The following CYFIP1 variants were observed in gnomAD, a reference collection of about 807,000 sequenced individuals.
The protein encoded by CYFIP1 is cytoplasmic FMR1 interacting protein 1.
A neutral mutation model predicts 163.5 loss-of-function variants in CYFIP1; 58 were observed. The observed-to-expected ratio is 0.35, with a 90% CI of 0.29 to 0.44. CYFIP1 has a LOEUF of 0.44. CYFIP1 is among the 20% of genes least tolerant of loss of function. CYFIP1 has a pLI of 1.00. For missense variants in CYFIP1, 1,338 were observed against 1,653.8 expected, an observed-to-expected ratio of 0.81 and a Z score of 3.31; for synonymous variants, 663 against 660.7, an observed-to-expected ratio of 1.00 and a Z score of -0.05.
At position 22,903,822 on chromosome 15, in the gene CYFIP1, C is replaced by T. The variant is rs2060481376; in HGVS notation, c.2472G>A (p.Met824Ile). 1.9e-6 allele frequency: 3 copies of T among 1,614,212 alleles called. No individual in the cohort carries two copies. Among genetic ancestry groups the T allele is most frequent in the Non-Finnish European group, 2.5e-6 (3 of 1,180,046 alleles). ...ACACGTTGTGGTTGGCCTCCCGGAA[C>T]ATGGCGTCGAAGCCGTCCAGCGTCA... ...RYLTLDGFDAMFREANHNVSA... is the reference protein window; with the variant it reads ...RYLTLDGFDAIFREANHNVSA... Residue 824 changes from methionine to isoleucine, a missense_variant, in exon 22 of 31, where the codon ATG becomes ATA. Met to Ile is a conservative substitution (Grantham distance 10). Transcript: ENST00000617928.
chr15:22,934,485 CTTT>C (rs35881374), intron 9 of CYFIP1, among the ~76,000 whole-genome samples: 580 of 49,818 alleles, frequency 0.012, 88 homozygotes, highest in African/African-American at 0.036. Flanking sequence ...GCACCCAGCC[CTTT>C]TTTTTTTTTT....
chr15:22,943,030 C>T, intron 6 of CYFIP1, 143 bp downstream of exon 6: 1 of 740,076 alleles, frequency 1.4e-6, no homozygotes, highest in Non-Finnish European at 2.2e-6. Context: ...CAGGTGCTCA[C>T]ACAGCCCTGA....
chr15:22,953,894 A>C (rs1393042641), intron 1 of CYFIP1, among the ~76,000 whole-genome samples: 1 of 152,062 alleles, frequency 6.6e-6, no homozygotes, highest in Non-Finnish European at 1.5e-5. Context: ...TCTCTATTAA[A>C]AATACAAAAA....
At chr15:22,929,409 G>A (rs1045546456) in intron 11 of CYFIP1, among the ~76,000 whole-genome samples, 2 of 151,900 alleles carry the variant, frequency 1.3e-5, no homozygotes, top group Admixed American at 6.6e-5. Flanking sequence ...TGAGGTGGGC[G>A]AATCACAAGG....
intron 13 of CYFIP1, among the ~76,000 whole-genome samples, chr15:22,919,695 G>A (rs929750451): frequency 2.0e-5 from 3 of 152,148 alleles, no homozygotes; most frequent in East Asian, 3.9e-4. Flanking sequence ...CTAGAACGCT[G>A]TACCTAAGAC....
chr15:22,955,065 C>T (rs1208595429), intron 1 of CYFIP1, among the ~76,000 whole-genome samples: 1 of 152,198 alleles, frequency 6.6e-6, no homozygotes, highest in East Asian at 1.9e-4. Context: ...CTTCAAGGGA[C>T]CCACGGTGGG....
chr15:22,944,529 CA>C (rs1455494750), intron 5 of CYFIP1, 28 bp downstream of exon 5: 177 of 1,487,314 alleles, frequency 1.2e-4, no homozygotes, highest in Non-Finnish European at 1.5e-4. Flanking sequence ...CTCGGTGTTA[CA>C]CCCCCCCCAG....
intron 3 of CYFIP1, 142 bp from the exon 4 acceptor site, chr15:22,945,081 T>C (rs2062014752): frequency 1.2e-6 from 1 of 825,146 alleles, no homozygotes; most frequent in African/African-American, 1.7e-5. Context: ...TGCCAGAAGC[T>C]AGTGACACTG....
Position 22,917,599 on chromosome 15 carries a change from C to T in CYFIP1, c.1674+189G>A, listed in dbSNP as rs1347110428. The T allele has an allele frequency of 5.8e-6, 4 of 685,436 alleles. No individual in the cohort carries two copies. The highest frequency in any genetic ancestry group is 1.9e-5 in the African/African-American group (1 of 54,012). 42.5% of individuals were successfully genotyped at this position (685,436 alleles called of 1,614,324 possible). On this transcript the variant is annotated intron_variant, in intron 15 of 30. Transcript: ENST00000617928. The surrounding 1 kb of genome is among the most constrained non-coding windows in gnomAD (Gnocchi z 4.2). ...CATGACACATCTGACAATCAAGGCA[C>T]GTCTCCTCACGCTCCCAACTCACTT...
intron 21 of CYFIP1, among the ~76,000 whole-genome samples, chr15:22,908,169 A>G (rs2060647298): frequency 6.6e-6 from 1 of 152,186 alleles, no homozygotes; most frequent in Non-Finnish European, 1.5e-5. Flanking sequence ...GCTCCCATTC[A>G]GACGAACACA....
intron 6 of CYFIP1, among the ~76,000 whole-genome samples, chr15:22,942,469 C>A: frequency 6.6e-6 from 1 of 152,048 alleles, no homozygotes; most frequent in Non-Finnish European, 1.5e-5. Flanking sequence ...GGCAGCGTGC[C>A]AAGTGTCACC....
intron 8 of CYFIP1, among the ~76,000 whole-genome samples, chr15:22,937,726 G>A (rs2061760592): frequency 6.6e-6 from 1 of 151,304 alleles, no homozygotes; most frequent in Admixed American, 6.6e-5. Context: ...AGCCTCCCAA[G>A]TAGCTGGGAT....
intron 1 of CYFIP1, among the ~76,000 whole-genome samples, chr15:22,960,416 C>T (rs2062635806): frequency 6.6e-6 from 1 of 152,232 alleles, no homozygotes; most frequent in Admixed American, 6.5e-5. Flanking sequence ...CCTGCAGAGA[C>T]AGGAGCTCCA....
intron 23 of CYFIP1, among the ~76,000 whole-genome samples, chr15:22,886,665 C>T (rs903001095): frequency 6.6e-6 from 1 of 152,022 alleles, no homozygotes; most frequent in Non-Finnish European, 1.5e-5. Context: ...GATTTCAGTT[C>T]TTTAAATTTT....
At chr15:22,971,611 G>A (rs562564515) in intron 1 of CYFIP1, among the ~76,000 whole-genome samples, 2 of 151,812 alleles carry the variant, frequency 1.3e-5, no homozygotes, top group East Asian at 1.9e-4. Flanking sequence ...GGGAGGCAGA[G>A]GTTGCGGTGA....
At chr15:22,915,034 G>A in intron 16 of CYFIP1, 152 bp from the exon 17 acceptor site, 2 of 695,980 alleles carry the variant, frequency 2.9e-6, no homozygotes, top group East Asian at 6.0e-5. Context: ...GGTCACCGGG[G>A]CCTTGCACTA....
chr15:22,871,094 C>G (rs892759631), intron 30 of CYFIP1, among the ~76,000 whole-genome samples: 1 of 152,134 alleles, frequency 6.6e-6, no homozygotes, highest in African/African-American at 2.4e-5. Context: ...ACCTCCAATT[C>G]GGCTAAAGCG....
chr15:22,886,242 T>G (rs1375624821), intron 23 of CYFIP1, among the ~76,000 whole-genome samples: 1 of 152,058 alleles, frequency 6.6e-6, no homozygotes. Context: ...GATTACAATT[T>G]CAGATGAGAT....
intron 28 of CYFIP1, 24 bp downstream of exon 28, chr15:22,874,520 AACAGCC>A (rs1294292112): frequency 1.3e-6 from 2 of 1,522,406 alleles, no homozygotes; most frequent in East Asian, 4.9e-5. Context: ...CCCAGCTTGC[AACAGCC>A]ACAGCCATCA....
Sources: allele counts gnomAD v4.1 joint callset (sites outside exome capture counted in the v4.1 genomes callset), GRCh38; gene constraint gnomAD v4.1.1; non-coding constraint Gnocchi (gnomAD v3.1); transcripts MANE v1.5; gene names NCBI Gene and HGNC (gene_info 2026-07-23, HGNC 2026-07-21).